Variants in STXBP6 observed in about 807,000 individuals in gnomAD.
STXBP6 encodes the protein syntaxin-binding protein 6.
STXBP6 carries 21 observed loss-of-function variants against 26.9 expected under a neutral mutation model. The ratio of observed to expected loss-of-function variants is 0.78; its 90% CI spans 0.55 to 1.12. The LOEUF (loss-of-function observed/expected upper bound fraction) is 1.12. Ranked by LOEUF, STXBP6 falls within the 50% of genes most tolerant of loss-of-function variation. The pLI is 0.00. For synonymous variants in STXBP6, 97 were observed against 92.6 expected (o/e 1.05, Z -0.27); for missense variants, 232 against 257.9 (o/e 0.90, Z 0.69).
intron 4 of STXBP6, among the ~76,000 whole-genome samples, chr14:24,828,198 C>T (rs903508323): frequency 6.6e-6 from 1 of 152,022 alleles, no homozygotes; most frequent in Admixed American, 6.6e-5. Flanking sequence ...TTATTATTGC[C>T]AGATAGCAAG....
intron 2 of STXBP6, among the ~76,000 whole-genome samples, chr14:24,929,673 TA>T (rs2072310845): frequency 6.6e-6 from 1 of 152,222 alleles, no homozygotes; most frequent in Admixed American, 6.5e-5. Flanking sequence ...TTTATATCAG[TA>T]ACAAAATTTT....
chr14:24,909,897 A>G (rs894852015), intron 2 of STXBP6, among the ~76,000 whole-genome samples: 3 of 151,732 alleles, frequency 2.0e-5, no homozygotes, highest in Non-Finnish European at 4.4e-5. Flanking sequence ...GAGATATGCT[A>G]GACCTGGCCC....
chr14:25,005,720 A>C (rs778391769), intron 1 of STXBP6, among the ~76,000 whole-genome samples: 1 of 152,164 alleles, frequency 6.6e-6, no homozygotes, highest in Non-Finnish European at 1.5e-5. Context: ...TTATTACTCC[A>C]ATATTGGAAG....
intron 2 of STXBP6, among the ~76,000 whole-genome samples, chr14:24,921,301 C>T (rs1595114170): frequency 1.3e-5 from 2 of 152,044 alleles, no homozygotes; most frequent in East Asian, 3.9e-4. Flanking sequence ...CTATATAATC[C>T]CAGCTTCAAC....
chr14:25,017,460 C>G (rs1243901277), intron 1 of STXBP6, among the ~76,000 whole-genome samples: 1 of 152,130 alleles, frequency 6.6e-6, no homozygotes, highest in African/African-American at 2.4e-5. Context: ...AACTCAGAGG[C>G]AGAGGAAGTA....
At chr14:25,046,888 T>C (rs1451602211) in intron 1 of STXBP6, among the ~76,000 whole-genome samples, 1 of 152,218 alleles carries the variant, frequency 6.6e-6, no homozygotes, top group Non-Finnish European at 1.5e-5. Context: ...GCCAGCCTTC[T>C]ACCCTCTTAG....
intron 2 of STXBP6, among the ~76,000 whole-genome samples, chr14:24,962,599 A>T (rs140819762): frequency 4.5e-4 from 69 of 152,258 alleles, no homozygotes; most frequent in East Asian, 2.9e-3. Context: ...AAGTGCTGGG[A>T]TTACATGTGT....
intron 1 of STXBP6, among the ~76,000 whole-genome samples, chr14:25,043,327 T>G (rs2075672643): frequency 6.6e-6 from 1 of 152,220 alleles, no homozygotes; most frequent in Non-Finnish European, 1.5e-5. Context: ...TTTTTCCCGA[T>G]AGCAGAAAAT....
chr14:24,960,275 G>C (rs1050755874), intron 2 of STXBP6, among the ~76,000 whole-genome samples: 1 of 152,178 alleles, frequency 6.6e-6, no homozygotes, highest in Non-Finnish European at 1.5e-5. Flanking sequence ...GACAACAGTT[G>C]ATCACAGGTC....
At chr14:24,870,254 G>A (rs1015267539) in intron 2 of STXBP6, among the ~76,000 whole-genome samples, 6 of 152,042 alleles carry the variant, frequency 3.9e-5, no homozygotes, top group Admixed American at 2.6e-4. Flanking sequence ...TGTACTTAAC[G>A]AGGGGCCAAA....
intron 1 of STXBP6, among the ~76,000 whole-genome samples, chr14:25,024,075 C>T (rs970736303): frequency 3.3e-5 from 5 of 151,896 alleles, no homozygotes; most frequent in Middle Eastern, 3.4e-3. Context: ...TTTGGGAGGC[C>T]GAGGTGGGCA....
chr14:24,874,278 G>C (rs973534760), intron 2 of STXBP6, among the ~76,000 whole-genome samples: 2 of 152,224 alleles, frequency 1.3e-5, no homozygotes, highest in Admixed American at 1.3e-4. Context: ...GGAGATGAGA[G>C]GGATAGTCAC....
At chr14:24,976,880 T>TTTTTTTTTTTTTTG (rs2074060892) in intron 1 of STXBP6, among the ~76,000 whole-genome samples, 2 of 136,084 alleles carry the variant, frequency 1.5e-5, no homozygotes, top group African/African-American at 5.7e-5. Context: ...TTTTTTTTTT[T>TTTTTTTTTTTTTTG]GAGGCAGAGT....
chr14:24,826,550 C>T (rs2068290127), intron 4 of STXBP6, among the ~76,000 whole-genome samples: 1 of 152,182 alleles, frequency 6.6e-6, no homozygotes, highest in African/African-American at 2.4e-5. Context: ...TTCTTTTGAA[C>T]TTCCAGTGGA....
intron 2 of STXBP6, among the ~76,000 whole-genome samples, chr14:24,894,681 T>C (rs1050387204): frequency 1.3e-5 from 2 of 152,198 alleles, no homozygotes. Context: ...CTCACAACTC[T>C]GCTCACATCT....
intron 2 of STXBP6, among the ~76,000 whole-genome samples, chr14:24,962,816 G>A (rs187033098): frequency 1.1e-4 from 16 of 151,204 alleles, no homozygotes; most frequent in African/African-American, 3.9e-4. Context: ...GTGTTCCTTA[G>A]TTTTCTCACT....
intron 4 of STXBP6, among the ~76,000 whole-genome samples, chr14:24,826,221 T>C (rs2068277375): frequency 6.6e-6 from 1 of 151,720 alleles, no homozygotes; most frequent in Admixed American, 6.6e-5. Flanking sequence ...ACATACTTGC[T>C]ACTTACCAGC....
chr14:24,973,943 A>G (rs1425939927), intron 2 of STXBP6, among the ~76,000 whole-genome samples: 3 of 152,176 alleles, frequency 2.0e-5, no homozygotes, highest in African/African-American at 7.2e-5. Context: ...CCATCACTCC[A>G]TACAAGAAAT....
chr14:25,018,784 G>A (rs1207260269), intron 1 of STXBP6, among the ~76,000 whole-genome samples: 1 of 152,186 alleles, frequency 6.6e-6, no homozygotes, highest in East Asian at 1.9e-4. Context: ...TATGCAATAA[G>A]TTCTTAGTTT....
Sources: gnomAD v4.1 joint callset for allele counts (sites outside exome capture counted in the v4.1 genomes callset) on GRCh38, gnomAD v4.1.1 for gene constraint, MANE v1.5 for transcripts, NCBI Gene and HGNC (gene_info 2026-07-23, HGNC 2026-07-21) for gene names.